Variants in SAMD5 observed in about 807,000 individuals in gnomAD.
The protein encoded by SAMD5 is sterile alpha motif domain-containing protein 5.
Under a neutral mutation model 11.3 loss-of-function variants are expected in SAMD5, and 13 were observed. The ratio of observed to expected loss-of-function variants is 1.15; its 90% CI spans 0.75 to 1.83. SAMD5 has a LOEUF of 1.83. Among genes scored for constraint, SAMD5 ranks in the 40% most tolerant of loss-of-function variants. The probability of loss-of-function intolerance (pLI) is 0.00; values close to 1 mark genes in which losing one functional copy is unlikely to be tolerated. For synonymous variants in SAMD5, 129 were observed against 111.3 expected (o/e 1.16, Z -1.00); for missense variants, 255 against 239.1 (o/e 1.07, Z -0.44).
At chr6:147,599,775 C>A (rs752236973) in intron 1 of SAMD5, among the ~76,000 whole-genome samples, 2 of 152,216 alleles carry the variant, frequency 1.3e-5, no homozygotes, top group Non-Finnish European at 2.9e-5. Context: ...CCCTCACTAC[C>A]AGGCTGGTCA....
At chr6:147,762,324 GAGC>G in the SAMD5 span, among the ~76,000 whole-genome samples, 1 of 151,988 alleles carries the variant, frequency 6.6e-6, no homozygotes, top group Admixed American at 6.6e-5. Flanking sequence ...TCAGCCTCCT[GAGC>G]AGCTGGGATT....
the SAMD5 span, among the ~76,000 whole-genome samples, chr6:147,827,852 C>G: frequency 1.3e-5 from 2 of 151,768 alleles, no homozygotes; most frequent in Non-Finnish European, 2.9e-5. Context: ...TGCAGTGGCG[C>G]GATCTCGGCT....
chr6:147,672,380 A>G (rs942571805), intron 1 of SAMD5, among the ~76,000 whole-genome samples: 1 of 152,162 alleles, frequency 6.6e-6, no homozygotes, highest in African/African-American at 2.4e-5. Flanking sequence ...TAAATTTTCC[A>G]AAGTCTAAAT....
chr6:147,619,455 G>A (rs147331595), intron 1 of SAMD5, among the ~76,000 whole-genome samples: 95 of 150,388 alleles, frequency 6.3e-4, no homozygotes, highest in Middle Eastern at 3.5e-3. Flanking sequence ...AGGCAGATAC[G>A]CAGATACTCA....
chr6:147,828,491 A>G, the SAMD5 span, among the ~76,000 whole-genome samples: 16,652 of 152,186 alleles, frequency 0.11, 1,145 homozygotes, highest in East Asian at 0.34. Flanking sequence ...GGTGGGCACC[A>G]TCTAATCAGC....
At chr6:147,923,768 A>C in the SAMD5 span, among the ~76,000 whole-genome samples, 1 of 152,190 alleles carries the variant, frequency 6.6e-6, no homozygotes, top group African/African-American at 2.4e-5. Flanking sequence ...CTAGGTTTAC[A>C]CTGTATAGAT....
chr6:147,617,932 A>T lies in SAMD5; in HGVS notation c.162+108545A>T, dbSNP rs184370717. On this transcript the variant is annotated intron_variant, in intron 1 of 1. Coordinates refer to the SAMD5 transcript ENST00000566741. ...AGCAAGTGAGTAATTTAATTTTTTA[A>T]TATTGATTCTGTCATTATATCAATA... Among the ~76,000 whole-genome samples the T allele has an allele frequency of 2.3e-4, 35 of 152,372 alleles. No individual in the cohort carries two copies. In the East Asian group the frequency reaches 6.6e-3, roughly 29 times the overall value.
At chr6:147,731,905 T>C (rs9377077) in intron 1 of SAMD5, among the ~76,000 whole-genome samples, 110,009 of 151,932 alleles carry the variant, frequency 0.72, 40,000 homozygotes, top group Middle Eastern at 0.83. Flanking sequence ...TATAAGTAAA[T>C]GTGGCTGCCA....
chr6:147,653,169 G>A (rs1435621406), intron 1 of SAMD5, among the ~76,000 whole-genome samples: 3 of 152,134 alleles, frequency 2.0e-5, no homozygotes, highest in Non-Finnish European at 4.4e-5. Context: ...GTATTTCCTA[G>A]AAATGTACCA....
chr6:147,540,244 C>T (rs1788578792), intron 1 of SAMD5, among the ~76,000 whole-genome samples: 1 of 152,162 alleles, frequency 6.6e-6, no homozygotes, highest in African/African-American at 2.4e-5. Flanking sequence ...ATTCCGGAAG[C>T]CAAGAATAGA....
the SAMD5 span, among the ~76,000 whole-genome samples, chr6:147,850,303 T>C: frequency 2.2e-4 from 33 of 152,272 alleles, no homozygotes; most frequent in Non-Finnish European, 4.4e-4. Context: ...AAAAAAACAC[T>C]ATGATAAAGT....
chr6:147,674,515 A>T (rs762798788), intron 1 of SAMD5, among the ~76,000 whole-genome samples: 1 of 152,146 alleles, frequency 6.6e-6, no homozygotes. Context: ...GTCCTTCTCA[A>T]TGCACTCCAA....
chr6:147,837,005 A>G, the SAMD5 span, among the ~76,000 whole-genome samples: 1 of 152,250 alleles, frequency 6.6e-6, no homozygotes, highest in African/African-American at 2.4e-5. Flanking sequence ...ATTGGACTAC[A>G]TATATAAAAA....
chr6:147,938,864 T>A, the SAMD5 span, among the ~76,000 whole-genome samples: 1 of 152,142 alleles, frequency 6.6e-6, no homozygotes, highest in African/African-American at 2.4e-5. Context: ...CACCAACCAA[T>A]TCTCCAACTA....
chr6:147,691,995 C>A (rs66812021), intron 1 of SAMD5, among the ~76,000 whole-genome samples: 17,345 of 148,472 alleles, frequency 0.12, 1,084 homozygotes, highest in Middle Eastern at 0.17. Context: ...ACACACACAC[C>A]CCCCTGATTG....
downstream of SAMD5, among the ~76,000 whole-genome samples, chr6:147,737,899 A>G (rs544102158): frequency 2.6e-5 from 4 of 152,224 alleles, no homozygotes; most frequent in African/African-American, 7.2e-5. Context: ...CAGAAGAGAA[A>G]AAAGAAAAAC....
chr6:147,589,732 T>C (rs186393985), intron 1 of SAMD5, among the ~76,000 whole-genome samples: 119 of 152,314 alleles, frequency 7.8e-4, no homozygotes, highest in East Asian at 1.3e-3. Flanking sequence ...AAATATAGCT[T>C]GGCACATAAA....
At chr6:147,722,892 GT>G (rs1390549313) in intron 1 of SAMD5, among the ~76,000 whole-genome samples, 2 of 152,190 alleles carry the variant, frequency 1.3e-5, no homozygotes, top group Admixed American at 6.5e-5. Flanking sequence ...GGGTTTTGTT[GT>G]TATTATAATT....
the SAMD5 span, among the ~76,000 whole-genome samples, chr6:147,743,718 TTTAA>T: frequency 2.9e-3 from 438 of 152,364 alleles, 2 homozygotes; most frequent in African/African-American, 1.0e-2. Flanking sequence ...TTGTTATCTC[TTTAA>T]TTAATCCAGT....
Sources: gnomAD v4.1 joint callset for allele counts (sites outside exome capture counted in the v4.1 genomes callset) on GRCh38, gnomAD v4.1.1 for gene constraint, MANE v1.5 for transcripts, NCBI Gene and HGNC (gene_info 2026-07-23, HGNC 2026-07-21) for gene names.